The following ADAMTS18 variants were observed in gnomAD, a reference collection of about 807,000 sequenced individuals.
ADAMTS18 encodes the protein A disintegrin and metalloproteinase with thrombospondin motifs 18.
Under a neutral mutation model 165.9 loss-of-function variants are expected in ADAMTS18, and 157 were observed. The observed-to-expected ratio is 0.95, with a 90% CI of 0.83 to 1.08. ADAMTS18 has a LOEUF of 1.08. Among genes scored for constraint, ADAMTS18 ranks in the 50% least tolerant of loss-of-function variants. The probability of loss-of-function intolerance (pLI) is 0.00; values close to 1 mark genes in which losing one functional copy is unlikely to be tolerated. For synonymous variants in ADAMTS18, 782 were observed against 578.2 expected (o/e 1.35, Z -5.06); for missense variants, 2,040 against 1,534.0 (o/e 1.33, Z -5.51).
chr16:77,399,726 A>T (rs2057301990), intron 3 of ADAMTS18, among the ~76,000 whole-genome samples: 1 of 152,176 alleles, frequency 6.6e-6, no homozygotes, highest in South Asian at 2.1e-4. Context: ...AAGCATTCAA[A>T]ACATGTCAAT....
chr16:77,345,746 T>C (rs996595610), intron 10 of ADAMTS18, among the ~76,000 whole-genome samples: 6 of 152,206 alleles, frequency 3.9e-5, no homozygotes, highest in African/African-American at 7.2e-5. Flanking sequence ...ACCTACCATA[T>C]TGGATAACAG....
At chr16:77,402,182 C>T (rs577856390) in intron 3 of ADAMTS18, among the ~76,000 whole-genome samples, 20 of 152,274 alleles carry the variant, frequency 1.3e-4, no homozygotes, top group Admixed American at 1.0e-3. Context: ...CTTCTAGAAC[C>T]GTTGCAAACA....
At chr16:77,366,434 T>C (rs866121295) in intron 4 of ADAMTS18, among the ~76,000 whole-genome samples, 10 of 152,168 alleles carry the variant, frequency 6.6e-5, no homozygotes, top group South Asian at 2.1e-4. Flanking sequence ...GGCGTGCGCC[T>C]ATAATTCCAC....
chr16:77,347,311 T>C (rs983003598), intron 10 of ADAMTS18, among the ~76,000 whole-genome samples: 2 of 152,164 alleles, frequency 1.3e-5, no homozygotes, highest in Non-Finnish European at 2.9e-5. Context: ...TTCAGGTAGA[T>C]ACCATGGAGT....
rs775375608 is a variant in ADAMTS18, at chr16:77,335,862, G to A, written c.1753C>T (p.Pro585Ser). 6 of 1,614,180 alleles carry A rather than the reference G, an allele frequency of 3.7e-6. No individual in the cohort carries two copies. Among genetic ancestry groups the A allele is most frequent in the Non-Finnish European group, 4.2e-6 (5 of 1,180,024 alleles). The part of the protein sequence containing the change: ...GQCVKFGELG[P>S]RPIHGQWSAW... Reference sequence around the variant, plus strand: ...GACCACTGGCCGTGGATGGGCCGGGGCCCGAGCTCCCCAAACTTTACGCAC... The same window carrying A: ...GACCACTGGCCGTGGATGGGCCGGGACCCGAGCTCCCCAAACTTTACGCAC... Residue 585 changes from proline (P) to serine (S), a missense_variant, in exon 12 of 23, where the codon CCC (proline) becomes TCC (serine). By Grantham distance (74) the Pro-to-Ser change is moderately conservative. Transcript: ENST00000282849.
Position 77,335,818 on chromosome 16 carries a change from T to G in ADAMTS18, c.1797A>C (p.Ser599=). ...CTCCACCACATGTCCGGGAACATTC[T>G]GACCACTTCGACCAGGCGGACCACT... ...HGQWSAWSKW[S]ECSRTCGGGV... is the part of the protein sequence containing the mutation. Residue 599 remains serine (S), a synonymous_variant, in exon 12 of 23, where the codon TCA becomes TCC. Transcript: ENST00000282849. 1.2e-6 allele frequency: 2 copies of G among 1,614,236 alleles called. No individual in the cohort carries two copies. The highest frequency in any genetic ancestry group is 1.7e-6 in the Non-Finnish European group (2 of 1,180,044).
At chr16:77,323,932 T>C (rs903553559) in intron 13 of ADAMTS18, among the ~76,000 whole-genome samples, 18 of 152,154 alleles carry the variant, frequency 1.2e-4, no homozygotes, top group South Asian at 4.1e-4. Flanking sequence ...ATGAATGAAA[T>C]TGCATGCTCC....
Position 77,320,026 on chromosome 16 carries a change from G to C in ADAMTS18, c.2355C>G (p.Ser785=), listed in dbSNP as rs267604649. The change falls in exon 16 of 23, where the codon TCC becomes TCG. Residue 785 remains serine, a synonymous_variant. Coordinates refer to ENST00000282849, the MANE Select transcript of ADAMTS18 (RefSeq NM_199355.4). ...GGCTTCGAACTGCGAGGTAACTGGA[G>C]GAAACCTGCAGCTCCTGGATTTCGA... ...RSIEIQELQV[S]SSYLAVRSLS... 6.2e-7 allele frequency: 1 copy of C among 1,614,170 alleles called. No individual in the cohort carries two copies. The highest frequency in any genetic ancestry group is 8.5e-7 in the Non-Finnish European group (1 of 1,180,016).
chr16:77,353,935 T>A, intron 9 of ADAMTS18, 49 bp from the exon 10 acceptor site: 2 of 1,610,908 alleles, frequency 1.2e-6, no homozygotes, highest in South Asian at 2.2e-5. Flanking sequence ...TCTGTGATCT[T>A]TCCATTTACG....
At chr16:77,410,866 G>A (rs565125345) in intron 3 of ADAMTS18, among the ~76,000 whole-genome samples, 15 of 152,250 alleles carry the variant, frequency 9.9e-5, no homozygotes, top group Admixed American at 2.6e-4. Flanking sequence ...CATTTAGTGC[G>A]ACAAATCATT....
At chr16:77,361,573 C>T (rs1485841998) in intron 7 of ADAMTS18, among the ~76,000 whole-genome samples, 1 of 152,126 alleles carries the variant, frequency 6.6e-6, no homozygotes, top group Non-Finnish European at 1.5e-5. Context: ...CCTCAATGAT[C>T]ATCAGTAGGA....
intron 19 of ADAMTS18, among the ~76,000 whole-genome samples, chr16:77,293,651 G>C (rs746983894): frequency 2.6e-5 from 4 of 151,584 alleles, no homozygotes; most frequent in Non-Finnish European, 4.4e-5. Context: ...TTTGGCACCA[G>C]GGTCGGCTTT....
At chr16:77,327,543 C>G (rs1005152460) in intron 12 of ADAMTS18, among the ~76,000 whole-genome samples, 1 of 152,144 alleles carries the variant, frequency 6.6e-6, no homozygotes, top group Admixed American at 6.5e-5. Context: ...GTATATAGAC[C>G]ATGGACTACT....
intron 10 of ADAMTS18, among the ~76,000 whole-genome samples, chr16:77,349,329 T>C (rs1401160139): frequency 6.6e-6 from 1 of 151,984 alleles, no homozygotes; most frequent in Non-Finnish European, 1.5e-5. Flanking sequence ...CACAAGGAGA[T>C]TCCTAGTGAG....
intron 10 of ADAMTS18, among the ~76,000 whole-genome samples, chr16:77,342,063 C>T (rs2056406545): frequency 6.6e-6 from 1 of 152,110 alleles, no homozygotes; most frequent in Admixed American, 6.6e-5. Context: ...GAACACTTGG[C>T]TTGGAAGTGA....
At chr16:77,323,748 T>A (rs75504444) in intron 13 of ADAMTS18, among the ~76,000 whole-genome samples, 2 of 152,314 alleles carry the variant, frequency 1.3e-5, no homozygotes, top group East Asian at 1.9e-4. Context: ...TCTCCTCTGA[T>A]ATAAGTATCA....
chr16:77,314,625 A>AG (rs1555511570), intron 16 of ADAMTS18, among the ~76,000 whole-genome samples: 23 of 132,558 alleles, frequency 1.7e-4, no homozygotes, highest in African/African-American at 2.8e-4. Context: ...AAAAAAAAAA[A>AG]TGTGTGTGTA....
chr16:77,299,447 T>A (rs2055538288), intron 17 of ADAMTS18, among the ~76,000 whole-genome samples: 1 of 152,212 alleles, frequency 6.6e-6, no homozygotes. Flanking sequence ...CTTTCAGACA[T>A]AAGAATTTCT....
At chr16:77,368,527 A>G (rs1265701373) in intron 3 of ADAMTS18, among the ~76,000 whole-genome samples, 1 of 145,882 alleles carries the variant, frequency 6.9e-6, no homozygotes, top group African/African-American at 2.6e-5. Context: ...GCCTTGACCT[A>G]CTGGTCTCAA....
Sources: gnomAD v4.1 joint callset for allele counts (sites outside exome capture counted in the v4.1 genomes callset) on GRCh38, gnomAD v4.1.1 for gene constraint, MANE v1.5 for transcripts, NCBI Gene and HGNC (gene_info 2026-07-23, HGNC 2026-07-21) for gene names.